The following FRAS1 variants were observed in gnomAD, a reference collection of about 807,000 sequenced individuals.
The protein encoded by FRAS1 is extracellular matrix organizing protein FRAS1.
Under a neutral mutation model 435.2 loss-of-function variants are expected in FRAS1, and 290 were observed. That is an observed-to-expected ratio of 0.67 (90% CI 0.61 to 0.73). FRAS1 has a LOEUF of 0.73. Among genes scored for constraint, FRAS1 ranks in the 30% least tolerant of loss-of-function variants. The probability of loss-of-function intolerance (pLI) is 0.00; values close to 1 mark genes in which losing one functional copy is unlikely to be tolerated. For missense variants in FRAS1, 4,860 were observed against 5,001.5 expected, an observed-to-expected ratio of 0.97 and a Z score of 0.85; for synonymous variants, 1,800 against 1,851.0, an observed-to-expected ratio of 0.97 and a Z score of 0.71.
At chr4:78,540,087 T>A (rs1722001909) in intron 73 of FRAS1, among the ~76,000 whole-genome samples, 1 of 152,216 alleles carries the variant, frequency 6.6e-6, no homozygotes, top group South Asian at 2.1e-4. Flanking sequence ...ACAGAGTATA[T>A]GTTTAGTGAA....
intron 50 of FRAS1, among the ~76,000 whole-genome samples, chr4:78,468,485 ACATCATCATCATCAT>A (rs11267487): frequency 1.3e-5 from 2 of 150,248 alleles, no homozygotes; most frequent in East Asian, 2.0e-4. Context: ...GAAGCTGTAA[ACATCATCATCATCAT>A]CATCATCATC....
At chr4:78,158,573 G>A (rs1720991795) in intron 2 of FRAS1, among the ~76,000 whole-genome samples, 1 of 152,064 alleles carries the variant, frequency 6.6e-6, no homozygotes, top group South Asian at 2.1e-4. Flanking sequence ...ACTAGTTATG[G>A]TGCTTCAGGA....
intron 6 of FRAS1, among the ~76,000 whole-genome samples, chr4:78,264,245 A>G (rs1840392): frequency 0.3 from 46,299 of 152,040 alleles, 7,387 homozygotes; most frequent in East Asian, 0.38. Flanking sequence ...TTCTTAGGGC[A>G]GCAGAGACAA....
chr4:78,429,234 C>G lies in FRAS1; in HGVS notation c.4843+8C>G. On this transcript the variant is annotated splice_region_variant and intron_variant, in intron 36 of 73. Coordinates refer to ENST00000512123, the MANE Select transcript of FRAS1 (RefSeq NM_025074.7). The stretch of plus-strand genomic sequence containing the variant: ...GAGGCAGCACTTCTGTAGGTAAGAA[C>G]TGGGAGCCTGATAGAAACATGGCTT... 7 of 1,602,704 alleles carry G rather than the reference C, an allele frequency of 4.4e-6. No individual in the cohort carries two copies. Among genetic ancestry groups the G allele is most frequent in the Non-Finnish European group, 6.0e-6 (7 of 1,174,148 alleles).
chr4:78,114,567 G>T (rs150953861), intron 2 of FRAS1, among the ~76,000 whole-genome samples: 3,182 of 152,146 alleles, frequency 0.021, 112 homozygotes, highest in African/African-American at 0.073. Flanking sequence ...TGGATTCCTA[G>T]GTATTTTATT....
chr4:78,378,609 A>G (rs1314026278), intron 26 of FRAS1, among the ~76,000 whole-genome samples: 1 of 152,132 alleles, frequency 6.6e-6, no homozygotes, highest in Non-Finnish European at 1.5e-5. Flanking sequence ...AAGTGAAGTG[A>G]TATCTTATTG....
chr4:78,522,817 A>C lies in FRAS1; in HGVS notation c.10808+9A>C. The C allele has an allele frequency of 6.3e-7, 1 of 1,591,666 alleles. No individual in the cohort carries two copies. Among genetic ancestry groups the C allele is most frequent in the Non-Finnish European group, 8.5e-7 (1 of 1,170,794 alleles). On this transcript the variant is annotated intron_variant, in intron 69 of 73. Coordinates refer to ENST00000512123, the MANE Select transcript of FRAS1 (RefSeq NM_025074.7). ...ACAAGCTCTTATAACAGGTAAATAC[A>C]GTGATGGAGGCCTCCATGGGTAGAG...
intron 7 of FRAS1, among the ~76,000 whole-genome samples, chr4:78,265,419 G>A (rs552370480): frequency 6.6e-6 from 1 of 152,148 alleles, no homozygotes; most frequent in South Asian, 2.1e-4. Context: ...TTTACATTTA[G>A]CTTTGAGGCT....
At chr4:78,480,562 A>G (rs534761466) in intron 56 of FRAS1, among the ~76,000 whole-genome samples, 1 of 152,296 alleles carries the variant, frequency 6.6e-6, no homozygotes, top group East Asian at 1.9e-4. Context: ...GAAGTGAAGT[A>G]TTTAGTGTAC....
At chr4:78,343,411 TTCCC>T (rs760601199) in intron 20 of FRAS1, among the ~76,000 whole-genome samples, 137 of 145,718 alleles carry the variant, frequency 9.4e-4, no homozygotes, top group South Asian at 1.7e-3. Context: ...ACCAACTGAC[TTCCC>T]TCCCTCCCTC....
chr4:78,156,043 C>A (rs1471030471), intron 2 of FRAS1, among the ~76,000 whole-genome samples: 1 of 152,144 alleles, frequency 6.6e-6, no homozygotes, highest in African/African-American at 2.4e-5. Context: ...TGATCGCTGA[C>A]CAGTTCTAAA....
At position 78,466,363 on chromosome 4, in the gene FRAS1, C is replaced by G. The variant is rs1474911370; in HGVS notation, c.7185C>G (p.Leu2395=). 1.9e-6 allele frequency: 3 copies of G among 1,613,994 alleles called. No homozygotes were observed. Among genetic ancestry groups the G allele is most frequent in the South Asian group, 2.2e-5 (2 of 91,080 alleles). Residue 2395 remains leucine, a synonymous_variant, in exon 50 of 74, where the codon CTC becomes CTG. Transcript: ENST00000512123. ...VSYSHDGSNS[L]KDRFTFTVSD... is the part of the protein sequence containing the mutation. Reference sequence around the variant, plus strand: ...ACAGCCATGACGGCAGTAACTCCCTCAAGGACCGGTTCACCTTCACTGTTT... The same window carrying G: ...ACAGCCATGACGGCAGTAACTCCCTGAAGGACCGGTTCACCTTCACTGTTT...
chr4:78,531,435 C>T (rs1721711712), intron 70 of FRAS1, among the ~76,000 whole-genome samples: 1 of 152,096 alleles, frequency 6.6e-6, no homozygotes, highest in Admixed American at 6.6e-5. Context: ...AAAGGGAATG[C>T]TTCCAGCTTT....
chr4:78,080,352 G>T (rs1218714713), intron 2 of FRAS1, among the ~76,000 whole-genome samples: 1 of 152,140 alleles, frequency 6.6e-6, no homozygotes, highest in East Asian at 1.9e-4. Context: ...AGGCTGATGT[G>T]CTCAGGTGTT....
At position 78,271,464 on chromosome 4, in the gene FRAS1, CTA is replaced by C. The variant is rs1560617261; in HGVS notation, c.981+4033_981+4034del. Reference sequence around the variant, plus strand: ...TATCTCCTAATGCTATCCCTCCCCCCTACCCCCAACCCACAACAGGGCCTGGT... The same window carrying C: ...TATCTCCTAATGCTATCCCTCCCCCCCCCCCAACCCACAACAGGGCCTGGT... On this transcript the variant is annotated intron_variant, in intron 9 of 73. Transcript: ENST00000512123. Among the ~76,000 whole-genome samples, 5 of 151,906 alleles carry C rather than the reference CTA, an allele frequency of 3.3e-5. No homozygotes were observed. The East Asian group carries it at 9.7e-4, about 29-fold the overall frequency.
intron 47 of FRAS1, among the ~76,000 whole-genome samples, chr4:78,457,128 G>C (rs1183265258): frequency 1.3e-5 from 2 of 152,196 alleles, no homozygotes; most frequent in East Asian, 1.9e-4. Context: ...GATCTTCTCT[G>C]ATCTGTCAGA....
chr4:78,429,005 G>A, intron 35 of FRAS1, 90 bp from the exon 36 acceptor site: 1 of 1,385,170 alleles, frequency 7.2e-7, no homozygotes, highest in Non-Finnish European at 9.9e-7. Context: ...GCCTGAAGAG[G>A]ACCAGACTAC....
At chr4:78,097,560 A>G (rs1326128290) in intron 2 of FRAS1, among the ~76,000 whole-genome samples, 1 of 152,240 alleles carries the variant, frequency 6.6e-6, no homozygotes, top group African/African-American at 2.4e-5. Flanking sequence ...GGCAAGGATG[A>G]GCAAGTCACA....
At chr4:78,304,031 T>C (rs1462850372) in intron 14 of FRAS1, among the ~76,000 whole-genome samples, 12 of 150,268 alleles carry the variant, frequency 8.0e-5, no homozygotes, top group South Asian at 4.2e-4. Flanking sequence ...ATATGTCCCA[T>C]CAATACCTAA....
Sources: gnomAD v4.1 joint callset for allele counts (sites outside exome capture counted in the v4.1 genomes callset) on GRCh38, gnomAD v4.1.1 for gene constraint, MANE v1.5 for transcripts, NCBI Gene and HGNC (gene_info 2026-07-23, HGNC 2026-07-21) for gene names.